SACS: variants seen among roughly 807,000 people sequenced by gnomAD.
SACS encodes the protein sacsin.
A neutral mutation model predicts 348.0 loss-of-function variants in SACS; 197 were observed. The observed-to-expected ratio is 0.57, with a 90% CI of 0.50 to 0.64. The LOEUF is 0.64. SACS is among the 30% of genes least tolerant of loss of function. SACS has a pLI of 0.00. For synonymous variants in SACS, 1,985 were observed against 1,910.6 expected (o/e 1.04, Z -1.02); for missense variants, 4,999 against 5,360.8 (o/e 0.93, Z 2.11).
At position 23,334,824 on chromosome 13, in the gene SACS, A is replaced by G. The variant is rs778102727; in HGVS notation, c.9052T>C (p.Ser3018Pro). The change falls in exon 10 of 10, where the codon TCT (serine) becomes CCT (proline). Residue 3018 changes from serine (S) to proline (P), a missense_variant. Physicochemically the swap from Ser to Pro is moderately conservative, Grantham distance 74. Around this residue, in one of 6 missense-constraint regions of SACS, gnomAD observed 734 missense variants for 694.0 expected, o/e 1.06. Transcript: ENST00000382292. ...AATGGTCTAGTTTTATTAGAAGTAG[A>G]CATATTGATCCAAGTAATTATAACT... is the stretch of plus-strand genomic sequence containing the variant. ...SAVIITWINMSTSNKTRPFFD... is the reference protein window; with the variant it reads ...SAVIITWINMPTSNKTRPFFD... 2.9e-5 allele frequency: 47 copies of G among 1,613,778 alleles called. No homozygotes were observed. Among genetic ancestry groups the G allele is most frequent in the Middle Eastern group, 3.3e-4 (2 of 6,084 alleles).
chr13:23,412,929 T>G (rs1397378915), intron 1 of SACS, among the ~76,000 whole-genome samples: 2 of 152,226 alleles, frequency 1.3e-5, no homozygotes, highest in Non-Finnish European at 2.9e-5. Flanking sequence ...TTTAGGGTGC[T>G]GGGCACAATC....
In SACS at chr13:23,341,617, T is replaced by C. The variant is rs757475255; in HGVS notation, c.2259A>G (p.Thr753=). 2 of 1,613,816 alleles carry C rather than the reference T, an allele frequency of 1.2e-6. No homozygotes were observed. The highest frequency in any genetic ancestry group is 2.2e-5 in the South Asian group (2 of 91,086). Residue 753 remains threonine (T), a synonymous_variant, in exon 10 of 10, where the codon ACA becomes ACG. Coordinates refer to ENST00000382292, the MANE Select transcript of SACS (RefSeq NM_014363.6). ...FARLIKEVMN[T]FWPGRELIVQ... ...CAATCAATTCTCTGCCAGGCCAGAA[T>C]GTATTCATTACTTCCTTGATAAGAC...
At position 23,354,530 on chromosome 13, in the gene SACS, T is replaced by A. The variant is rs767559003; in HGVS notation, c.2082A>T (p.Ala694=). 6.2e-7 allele frequency: 1 copy of A among 1,614,102 alleles called. No individual in the cohort carries two copies. Among genetic ancestry groups the A allele is most frequent in the Admixed American group, 1.7e-5 (1 of 60,026 alleles). ...AGGGGGACCCCTACCTTGGATATTC[T>A]GCTGAGGTAATATAAATGACATCTT... is the stretch of plus-strand genomic sequence containing the variant. ...SDQDVIYITS[A]EYPRSLFPSL... is the part of the protein sequence containing the mutation. Residue 694 remains alanine (A), a synonymous_variant, in exon 8 of 10, where the codon GCA becomes GCT. Transcript: ENST00000382292.
At chr13:23,427,156 T>A (rs1256108104) in intron 1 of SACS, 2 of 152,378 alleles carry the variant, frequency 1.3e-5, no homozygotes, top group East Asian at 3.9e-4. Flanking sequence ...AACTGAGCTG[T>A]GTTCTAACAG....
chr13:23,398,382 A>G (rs1872797756), intron 2 of SACS, among the ~76,000 whole-genome samples: 1 of 150,806 alleles, frequency 6.6e-6, no homozygotes, highest in Admixed American at 6.6e-5. Context: ...AAAATATAAA[A>G]AATTAGCGAG....
At position 23,429,345 on chromosome 13, in the gene SACS, A is replaced by ATTTTTTTTTTTTT. The variant is rs536939164; in HGVS notation, c.-502+4257_-502+4269dup. Among the ~76,000 whole-genome samples the ATTTTTTTTTTTTT allele has an allele frequency of 2.1e-4, 11 of 51,474 alleles. 2 individuals carry two copies. Among genetic ancestry groups the ATTTTTTTTTTTTT allele is most frequent in the Non-Finnish European group, 3.1e-4 (9 of 28,790 alleles). The allele number at this position is 51,474 out of a possible 152,430, so 33.8% of individuals were successfully genotyped here. On this transcript the variant is annotated intron_variant, in intron 1 of 9. Coordinates refer to ENST00000382292, the MANE Select transcript of SACS (RefSeq NM_014363.6). ...CTGTGATTCAGTCGTTGAGGTAGGG[A>ATTTTTTTTTTTTT]TTTTTTTTTTTTTTTTTTTTTTTTT...
chr13:23,408,133 C>T (rs1018563785), intron 2 of SACS, among the ~76,000 whole-genome samples: 1 of 152,130 alleles, frequency 6.6e-6, no homozygotes, highest in Non-Finnish European at 1.5e-5. Context: ...TTGAGCAAGT[C>T]ATGTGACTTC....
chr13:23,432,669 T>TTAG (rs1874482544), intron 1 of SACS, among the ~76,000 whole-genome samples: 1 of 149,642 alleles, frequency 6.7e-6, no homozygotes, highest in Non-Finnish European at 1.5e-5. Flanking sequence ...CAATTATTTA[T>TTAG]TATTATTATT....
At chr13:23,415,844 G>A (rs1388902388) in intron 1 of SACS, among the ~76,000 whole-genome samples, 1 of 152,130 alleles carries the variant, frequency 6.6e-6, no homozygotes, top group Non-Finnish European at 1.5e-5. Context: ...CGAAGTGCCT[G>A]CTGAAAACAC....
chr13:23,349,563 T>C (rs1869825455), intron 9 of SACS, among the ~76,000 whole-genome samples: 1 of 152,208 alleles, frequency 6.6e-6, no homozygotes, highest in African/African-American at 2.4e-5. Flanking sequence ...GAGTAAAATA[T>C]TACAATGAAG....
intron 8 of SACS, 23 bp from the exon 9 acceptor site, chr13:23,353,899 A>G: frequency 8.1e-7 from 1 of 1,235,486 alleles, no homozygotes; most frequent in Non-Finnish European, 1.2e-6. Flanking sequence ...AGGAACAGCA[A>G]TCATCATAAT....
chr13:23,406,116 G>A (rs1873192891), intron 2 of SACS, among the ~76,000 whole-genome samples: 1 of 152,184 alleles, frequency 6.6e-6, no homozygotes, highest in Non-Finnish European at 1.5e-5. Flanking sequence ...CAATAGCAAA[G>A]ATTGGAACCA....
intron 7 of SACS, among the ~76,000 whole-genome samples, chr13:23,356,725 T>C (rs1870415975): frequency 6.6e-6 from 1 of 152,156 alleles, no homozygotes. Flanking sequence ...CCAGTGTGCT[T>C]TGGTGAAGAT....
Position 23,340,635 on chromosome 13 carries a change from G to A in SACS, c.3241C>T (p.Pro1081Ser). ...TYFPPSVFTS[P>S]DILHSLRQIG... is the part of the protein sequence containing the mutation. ...TGTCTTAAGGAGTGAAGAATATCTG[G>A]TGAGGTAAAAACTGAGGGTGGGAAA... The change falls in exon 10 of 10, where the codon CCA (proline) becomes TCA (serine). Residue 1081 changes from proline to serine, a missense_variant. By Grantham distance (74) the Pro-to-Ser change is moderately conservative. Around this residue, in one of 6 missense-constraint regions of SACS, gnomAD observed 3,156 missense variants for 3,380.1 expected, o/e 0.93. Coordinates refer to ENST00000382292, the MANE Select transcript of SACS (RefSeq NM_014363.6). The A allele has an allele frequency of 1.9e-6, 3 of 1,607,558 alleles. No individual in the cohort carries two copies. Among genetic ancestry groups the A allele is most frequent in the Admixed American group, 1.7e-5 (1 of 58,372 alleles).
At chr13:23,344,493 C>A (rs1320516461) in intron 9 of SACS, among the ~76,000 whole-genome samples, 1 of 152,068 alleles carries the variant, frequency 6.6e-6, no homozygotes, top group Non-Finnish European at 1.5e-5. Flanking sequence ...TAGTAAGACA[C>A]CGGTATACGT....
intron 9 of SACS, among the ~76,000 whole-genome samples, chr13:23,349,476 AT>A (rs1256278830): frequency 1.3e-5 from 2 of 152,284 alleles, no homozygotes; most frequent in African/African-American, 4.8e-5. Context: ...TGTCAGTATT[AT>A]ATTAAGTGCC....
chr13:23,422,936 C>T (rs534457522), intron 1 of SACS, among the ~76,000 whole-genome samples: 3 of 151,986 alleles, frequency 2.0e-5, no homozygotes, highest in African/African-American at 7.2e-5. Flanking sequence ...AAGCTATGTG[C>T]GAAGAACATT....
rs1271001690 is a variant in SACS at position 23,402,938 on chromosome 13, G to A, written c.20+8282C>T. Among the ~76,000 whole-genome samples the A allele has an allele frequency of 2.0e-5, 3 of 148,100 alleles. No homozygotes were observed. The East Asian group carries it at 6.1e-4, about 30-fold the overall frequency. On this transcript the variant is annotated intron_variant, in intron 2 of 9. Coordinates refer to ENST00000382292, the MANE Select transcript of SACS (RefSeq NM_014363.6). ...CACGCCTATAATCCCAGCACTTTGG[G>A]AGGCCAAGGCAGGCAGATCACTAGG... is the stretch of plus-strand genomic sequence containing the variant.
Position 23,331,497 on chromosome 13 carries a change from T to C in SACS, c.12379A>G (p.Asn4127Asp), listed in dbSNP as rs1374284758. The change falls in exon 10 of 10, where the codon AAT (asparagine) becomes GAT (aspartate). Residue 4127 changes from asparagine (N) to aspartate (D), a missense_variant. Around this residue, in one of 6 missense-constraint regions of SACS, gnomAD observed 831 missense variants for 941.8 expected, o/e 0.88. Coordinates refer to ENST00000382292, the MANE Select transcript of SACS (RefSeq NM_014363.6). Reference protein sequence around the residue: ...TSYLIAMLGCNDIYRIGEKLD... With the variant: ...TSYLIAMLGCDDIYRIGEKLD... ...TTCTCACCAATCCTGTAAATATCAT[T>C]GCATCCTAGCATAGCAATTAAATAT... 2 of 1,613,934 alleles carry C rather than the reference T, an allele frequency of 1.2e-6. No homozygotes were observed. The highest frequency in any genetic ancestry group is 2.7e-5 in the African/African-American group (2 of 74,922).
Sources: gnomAD v4.1 joint callset for allele counts (sites outside exome capture counted in the v4.1 genomes callset) on GRCh38, gnomAD v4.1.1 for gene constraint, gnomAD v4.1.1 regional missense constraint, MANE v1.5 for transcripts, NCBI Gene and HGNC (gene_info 2026-07-23, HGNC 2026-07-21) for gene names.